Variants in CEP85L observed in about 807,000 individuals in gnomAD.
The protein encoded by CEP85L is centrosomal protein of 85 kDa-like.
CEP85L carries 60 observed loss-of-function variants against 100.3 expected under a neutral mutation model. That is an observed-to-expected ratio of 0.60 (90% CI 0.49 to 0.74). The LOEUF (loss-of-function observed/expected upper bound fraction) is 0.74, where lower values mean the gene tolerates loss of function less well. Ranked by LOEUF, CEP85L falls within the 30% of genes least tolerant of loss-of-function variation. The pLI is 0.00. For synonymous variants in CEP85L, 319 were observed against 322.7 expected (o/e 0.99, Z 0.12); for missense variants, 973 against 936.2 (o/e 1.04, Z -0.51).
chr6:118,531,346 A>C (rs975904264), intron 3 of CEP85L, among the ~76,000 whole-genome samples: 1 of 152,226 alleles, frequency 6.6e-6, no homozygotes, highest in Non-Finnish European at 1.5e-5. Context: ...CTTATACTAT[A>C]TACAAAAAAT....
chr6:118,595,365 T>G (rs1781410576), intron 2 of CEP85L, among the ~76,000 whole-genome samples: 3 of 152,336 alleles, frequency 2.0e-5, no homozygotes, highest in African/African-American at 7.2e-5. Context: ...CTAATGTTAG[T>G]GTCTCAATTT....
At chr6:118,482,041 A>G in intron 7 of CEP85L, 108 bp from the exon 8 acceptor site, 2 of 601,928 alleles carry the variant, frequency 3.3e-6, no homozygotes, top group East Asian at 6.8e-5. Flanking sequence ...CTAAAAAAAA[A>G]AAAAAAAAAG....
At chr6:118,561,863 C>A (rs1057445588) in intron 3 of CEP85L, among the ~76,000 whole-genome samples, 25 of 151,900 alleles carry the variant, frequency 1.6e-4, no homozygotes, top group African/African-American at 5.8e-4. Flanking sequence ...AGAGGGCAGA[C>A]GTATATAAGA....
intron 6 of CEP85L, among the ~76,000 whole-genome samples, chr6:118,489,969 G>C (rs752620581): frequency 5.3e-5 from 8 of 149,906 alleles, no homozygotes; most frequent in Non-Finnish European, 1.2e-4. Flanking sequence ...ACACACATAC[G>C]TGTGTGTATA....
intron 5 of CEP85L, among the ~76,000 whole-genome samples, chr6:118,497,757 G>A (rs1775014549): frequency 6.6e-6 from 1 of 152,100 alleles, no homozygotes; most frequent in South Asian, 2.1e-4. Context: ...CAGAGAGAAG[G>A]GAAATGACAC....
At chr6:118,537,651 T>TA in intron 3 of CEP85L, 7 of 985,362 alleles carry the variant, frequency 7.1e-6, no homozygotes, top group Non-Finnish European at 8.4e-6. Context: ...ATATGTCACT[T>TA]AATGGCCAAA....
At chr6:118,517,508 G>C (rs1776350482) in intron 4 of CEP85L, among the ~76,000 whole-genome samples, 3 of 152,092 alleles carry the variant, frequency 2.0e-5, no homozygotes, top group African/African-American at 7.2e-5. Flanking sequence ...TGTAGCAATT[G>C]TGAATGAGTT....
At chr6:118,685,669 C>G (rs1385920461) in intron 1 of CEP85L, among the ~76,000 whole-genome samples, 1 of 152,124 alleles carries the variant, frequency 6.6e-6, no homozygotes, top group Non-Finnish European at 1.5e-5. Context: ...CTTAGACTTT[C>G]CTTTCACTTG....
intron 1 of CEP85L, among the ~76,000 whole-genome samples, chr6:118,637,703 CAAAAAAA>C (rs11388747): frequency 2.2e-5 from 1 of 45,440 alleles, no homozygotes; most frequent in African/African-American, 9.9e-5. Flanking sequence ...AAGACTGTCT[CAAAAAAA>C]AAAAAAAAAA....
intron 1 of CEP85L, among the ~76,000 whole-genome samples, chr6:118,662,596 G>C (rs1490438752): frequency 6.6e-6 from 1 of 151,854 alleles, no homozygotes; most frequent in Non-Finnish European, 1.5e-5. Flanking sequence ...TGAGGCAAAT[G>C]AGTCATAGAG....
intron 1 of CEP85L, among the ~76,000 whole-genome samples, chr6:118,706,862 T>A (rs549788683): frequency 1.3e-5 from 2 of 152,280 alleles, no homozygotes; most frequent in South Asian, 4.1e-4. Context: ...AAAAAGACTC[T>A]CGCTTTGTGA....
chr6:118,545,239 G>A (rs1778127949), intron 3 of CEP85L, among the ~76,000 whole-genome samples: 1 of 152,150 alleles, frequency 6.6e-6, no homozygotes, highest in Admixed American at 6.5e-5. Flanking sequence ...CTACAGACTG[G>A]AGTTTAAATG....
chr6:118,609,974 G>A (rs1361744459), intron 2 of CEP85L, among the ~76,000 whole-genome samples: 1 of 151,748 alleles, frequency 6.6e-6, no homozygotes, highest in Non-Finnish European at 1.5e-5. Flanking sequence ...ACATTTCTAG[G>A]GAAAAAAATT....
intron 1 of CEP85L, among the ~76,000 whole-genome samples, chr6:118,705,448 GCATGGGCT>G (rs1198820896): frequency 2.0e-5 from 3 of 152,214 alleles, no homozygotes; most frequent in Non-Finnish European, 4.4e-5. Context: ...ACAAGGCATG[GCATGGGCT>G]CATTGAAGGG....
Position 118,506,152 on chromosome 6 carries a change from G to A in CEP85L, c.1257+5146C>T, listed in dbSNP as rs114555874. ...AATCATGCACTAAAAATAATAGGGC[G>A]TATGGAACGAATAGGATTAAAAACA... On this transcript the variant is annotated intron_variant, in intron 5 of 12. Transcript: ENST00000368491. Among the ~76,000 whole-genome samples, 533 of 152,304 alleles carry A rather than the reference G, an allele frequency of 3.5e-3. 2 individuals carry two copies. Among genetic ancestry groups the A allele is most frequent in the African/African-American group, 0.011 (467 of 41,560 alleles).
chr6:118,566,054 C>T lies in CEP85L; in HGVS notation c.495G>A (p.Pro165=), dbSNP rs376979342. The change falls in exon 3 of 13, where the codon CCG becomes CCA. Residue 165 remains proline, a synonymous_variant. Coordinates refer to ENST00000368491, the MANE Select transcript of CEP85L (RefSeq NM_001042475.3). The part of the protein sequence containing the change: ...KWSSLSKLTA[P]DNCGQGGTVC... ...CAGTGCCACCCTGGCCACAGTTATCCGGGGCAGTGAGTTTGGATAAAGATG... is the reference window on the plus strand; with the variant it reads ...CAGTGCCACCCTGGCCACAGTTATCTGGGGCAGTGAGTTTGGATAAAGATG... 3.4e-5 allele frequency: 55 copies of T among 1,614,054 alleles called. No homozygotes were observed. Among genetic ancestry groups the T allele is most frequent in the Non-Finnish European group, 4.5e-5 (53 of 1,180,038 alleles).
chr6:118,504,517 G>C (rs1775519393), intron 5 of CEP85L, among the ~76,000 whole-genome samples: 1 of 152,146 alleles, frequency 6.6e-6, no homozygotes, highest in Admixed American at 6.5e-5. Context: ...GATGGCATGG[G>C]ATCTCCACAT....
At chr6:118,604,827 A>G (rs1772076686) in intron 2 of CEP85L, among the ~76,000 whole-genome samples, 1 of 152,214 alleles carries the variant, frequency 6.6e-6, no homozygotes, top group Admixed American at 6.5e-5. Flanking sequence ...CTTAATTTAG[A>G]CCAAATGTCT....
chr6:118,473,880 T>C lies in CEP85L; in HGVS notation c.1915-3236A>G, dbSNP rs536731940. Among the ~76,000 whole-genome samples, 44 of 152,236 alleles carry C rather than the reference T, an allele frequency of 2.9e-4. No individual in the cohort carries two copies. In the South Asian group the frequency reaches 5.6e-3, roughly 19 times the overall value. On this transcript the variant is annotated intron_variant, in intron 10 of 12. Coordinates refer to ENST00000368491, the MANE Select transcript of CEP85L (RefSeq NM_001042475.3). Reference sequence around the variant, plus strand: ...AATGGAAGGGCAGAGATGCCATTAATAGGAAATCTGAAATGTATAGCAGGG... The same window carrying C: ...AATGGAAGGGCAGAGATGCCATTAACAGGAAATCTGAAATGTATAGCAGGG...
Sources: allele counts gnomAD v4.1 joint callset (sites outside exome capture counted in the v4.1 genomes callset), GRCh38; gene constraint gnomAD v4.1.1; transcripts MANE v1.5; gene names NCBI Gene and HGNC (gene_info 2026-07-23, HGNC 2026-07-21).